Variants in ENTREP2 observed in about 807,000 individuals in gnomAD.
The protein encoded by ENTREP2 is protein ENTREP2.
At chr15:29,330,352 G>A in the ENTREP2 span, among the ~76,000 whole-genome samples, 1 of 152,088 alleles carries the variant, frequency 6.6e-6, no homozygotes, top group African/African-American at 2.4e-5. Flanking sequence ...AGGAGGCTGA[G>A]GCAGGAGAAC....
the ENTREP2 span, among the ~76,000 whole-genome samples, chr15:29,327,561 G>A: frequency 6.7e-6 from 1 of 148,512 alleles, no homozygotes; most frequent in African/African-American, 2.5e-5. Flanking sequence ...CAACACTGCA[G>A]TCCAGGCTGT....
chr15:29,541,482 G>C, the ENTREP2 span, among the ~76,000 whole-genome samples: 1 of 152,178 alleles, frequency 6.6e-6, no homozygotes, highest in African/African-American at 2.4e-5. Context: ...GGAGGACACA[G>C]GGCAGGAATG....
chr15:29,381,735 C>T, the ENTREP2 span: 2 of 1,538,714 alleles, frequency 1.3e-6, no homozygotes, highest in African/African-American at 1.4e-5. Flanking sequence ...GAAGGTGGAA[C>T]CCTGCTCCAA....
At chr15:29,345,136 G>A in the ENTREP2 span, among the ~76,000 whole-genome samples, 5 of 152,254 alleles carry the variant, frequency 3.3e-5, no homozygotes, top group South Asian at 2.1e-4. Flanking sequence ...TGCCCGTACC[G>A]TAGGTAGTAA....
At chr15:29,302,173 G>C in the ENTREP2 span, among the ~76,000 whole-genome samples, 7 of 151,990 alleles carry the variant, frequency 4.6e-5, no homozygotes, top group South Asian at 1.5e-3. Context: ...TGACAGTCGA[G>C]TGGAAGCTTC....
the ENTREP2 span, among the ~76,000 whole-genome samples, chr15:29,546,823 C>T: frequency 6.8e-6 from 1 of 146,834 alleles, no homozygotes; most frequent in Non-Finnish European, 1.5e-5. Flanking sequence ...GGAGGCCGAA[C>T]TTGCAGTGAG....
the ENTREP2 span, among the ~76,000 whole-genome samples, chr15:29,653,192 A>G: frequency 2.0e-5 from 3 of 152,222 alleles, no homozygotes; most frequent in Admixed American, 2.0e-4. Context: ...AACTGTCTGA[A>G]GGTTGACAGC....
At chr15:29,211,134 C>T in the ENTREP2 span, among the ~76,000 whole-genome samples, 1 of 152,140 alleles carries the variant, frequency 6.6e-6, no homozygotes, top group Non-Finnish European at 1.5e-5. Flanking sequence ...CAAATTATTT[C>T]TTCAGTCTTT....
the ENTREP2 span, among the ~76,000 whole-genome samples, chr15:29,607,853 T>TATAG: frequency 1.4e-5 from 2 of 139,542 alleles, no homozygotes; most frequent in Non-Finnish European, 3.0e-5. Context: ...GATAGATAGA[T>TATAG]ATAGATAGAT....
the ENTREP2 span, among the ~76,000 whole-genome samples, chr15:29,578,383 C>G: frequency 1.3e-5 from 2 of 152,162 alleles, no homozygotes; most frequent in Non-Finnish European, 2.9e-5. Flanking sequence ...TGTCCTGGAG[C>G]ATGTTTGTTC....
At chr15:29,303,603 C>T in the ENTREP2 span, among the ~76,000 whole-genome samples, 2 of 152,212 alleles carry the variant, frequency 1.3e-5, no homozygotes, top group East Asian at 3.9e-4. Context: ...TGATTAAGCA[C>T]AGTACCCGAC....
the ENTREP2 span, among the ~76,000 whole-genome samples, chr15:29,359,308 A>AT: frequency 6.6e-6 from 1 of 152,226 alleles, no homozygotes; most frequent in Non-Finnish European, 1.5e-5. Context: ...CAGGAAAACC[A>AT]TAACTGTAAA....
At chr15:29,163,978 C>T in the ENTREP2 span, among the ~76,000 whole-genome samples, 1 of 152,176 alleles carries the variant, frequency 6.6e-6, no homozygotes, top group Non-Finnish European at 1.5e-5. Flanking sequence ...TCAGCAGAAA[C>T]CCTACAAGCT....
At chr15:29,650,791 T>C in the ENTREP2 span, among the ~76,000 whole-genome samples, 34 of 152,242 alleles carry the variant, frequency 2.2e-4, no homozygotes, top group African/African-American at 8.2e-4. Context: ...GGAGGATTGC[T>C]TGAGACCAGG....
the ENTREP2 span, among the ~76,000 whole-genome samples, chr15:29,589,896 T>A: frequency 6.6e-6 from 1 of 152,166 alleles, no homozygotes; most frequent in South Asian, 2.1e-4. Flanking sequence ...CACGGGATTG[T>A]TGTGAGGGAG....
chr15:29,355,115 G>A, the ENTREP2 span, among the ~76,000 whole-genome samples: 2 of 152,244 alleles, frequency 1.3e-5, no homozygotes, highest in South Asian at 2.1e-4. Context: ...TGAATCCTAC[G>A]AATTCAGGTC....
the ENTREP2 span, among the ~76,000 whole-genome samples, chr15:29,654,630 C>A: frequency 2.0e-5 from 3 of 152,170 alleles, no homozygotes; most frequent in East Asian, 5.8e-4. Flanking sequence ...AGATCCATAT[C>A]TCTATGTAAG....
At chr15:29,543,865 T>A in the ENTREP2 span, among the ~76,000 whole-genome samples, 1 of 152,058 alleles carries the variant, frequency 6.6e-6, no homozygotes, top group Non-Finnish European at 1.5e-5. Flanking sequence ...CAAAGATTGG[T>A]CTTGGTCTAT....
At chr15:29,255,772 C>T in the ENTREP2 span, among the ~76,000 whole-genome samples, 14 of 152,022 alleles carry the variant, frequency 9.2e-5, no homozygotes, top group South Asian at 6.2e-4. Context: ...GGGGTCGAGG[C>T]GGGCGGATCA....
Sources: allele counts gnomAD v4.1 joint callset (sites outside exome capture counted in the v4.1 genomes callset), GRCh38; gene constraint gnomAD v4.1.1; transcripts MANE v1.5; gene names NCBI Gene and HGNC (gene_info 2026-07-23, HGNC 2026-07-21).